The following GK variants were observed in gnomAD, a reference collection of about 807,000 sequenced individuals.
GK encodes glycerol kinase.
Under a neutral mutation model 56.4 loss-of-function variants are expected in GK, and 9 were observed. That is an observed-to-expected ratio of 0.16 (90% CI 0.10 to 0.28). The LOEUF is 0.28. Among genes scored for constraint, GK ranks in the 10% least tolerant of loss-of-function variants. The pLI is 1.00. For synonymous variants in GK, 104 were observed against 144.1 expected (o/e 0.72, Z 1.99); for missense variants, 161 against 431.4 (o/e 0.37, Z 5.55).
At chrX:30,660,531 A>T (rs1389166524) in intron 1 of GK, among the ~76,000 whole-genome samples, 1 of 111,435 alleles carries the variant, frequency 9.0e-6, no homozygotes, top group Non-Finnish European at 1.9e-5. Context: ...AGCAACAATG[A>T]TAGTGTTGAC....
chrX:30,668,202 G>A (rs1325265874), intron 3 of GK, 84 bp downstream of exon 3: 26 of 584,057 alleles, frequency 4.5e-5, no homozygotes, highest in Non-Finnish European at 7.7e-5. Context: ...ATAATTGAGT[G>A]CCTATGCAGT....
chrX:30,723,809 G>T, intron 18 of GK: 1 of 312,258 alleles, frequency 3.2e-6, no homozygotes, highest in Admixed American at 4.7e-5. Context: ...AAACTCCTGA[G>T]GTCAAGCCAT....
At chrX:30,706,860 C>T (rs1462761102) in intron 11 of GK, among the ~76,000 whole-genome samples, 2 of 111,701 alleles carry the variant, frequency 1.8e-5, no homozygotes, top group East Asian at 5.6e-4. Context: ...CATTTTATGA[C>T]TGTATTAATG....
chrX:30,691,095 A>T (rs1371595913), intron 4 of GK, 28 bp from the exon 5 acceptor site: 1 of 843,147 alleles, frequency 1.2e-6, no homozygotes, highest in Non-Finnish European at 1.8e-6. Context: ...GAAGTTTTTC[A>T]TGTATATTAT....
rs1321418188 is a variant in GK, at chrX:30,697,749, G to A, written c.747G>A (p.Val249=). The A allele has an allele frequency of 8.6e-7, 1 of 1,161,422 alleles. No individual in the cohort carries two copies. Among genetic ancestry groups the A allele is most frequent in the Non-Finnish European group, 1.2e-6 (1 of 850,230 alleles). Residue 249 remains valine (V), a splice_region_variant and synonymous_variant, in exon 9 of 21, where the codon GTG becomes GTA. Coordinates refer to ENST00000427190, the MANE Select transcript of GK (RefSeq NM_001205019.2). ...IYGLMKISHS[V]KAGALEGVPI... is the part of the protein sequence containing the mutation. ...GACTATAGAAAATCTCTCATAGCGT[G>A]GTGAGTAGGTTGCCCGCCAATTATG...
intron 4 of GK, among the ~76,000 whole-genome samples, chrX:30,683,209 C>T (rs750528090): frequency 2.7e-5 from 3 of 110,455 alleles, no homozygotes; most frequent in East Asian, 5.6e-4. Context: ...TATATATATA[C>T]AGCTGTATAT....
intron 1 of GK, among the ~76,000 whole-genome samples, chrX:30,664,178 A>G (rs1932917359): frequency 1.1e-5 from 1 of 94,063 alleles, no homozygotes; most frequent in Non-Finnish European, 2.0e-5. Context: ...AGATATATAT[A>G]TATCTTATAT....
At chrX:30,696,354 C>T (rs765689402) in intron 7 of GK, among the ~76,000 whole-genome samples, 27 of 112,123 alleles carry the variant, frequency 2.4e-4, no homozygotes, top group Non-Finnish European at 4.3e-4. Flanking sequence ...TTATTCTTCA[C>T]GGAAGTTTAG....
intron 5 of GK, among the ~76,000 whole-genome samples, chrX:30,692,619 C>T (rs1048329403): frequency 1.8e-5 from 2 of 109,985 alleles, no homozygotes; most frequent in African/African-American, 6.6e-5. Context: ...GCTGAGATTA[C>T]AGGCAAGCAC....
chrX:30,718,160 AC>A (rs1298054355), intron 13 of GK, among the ~76,000 whole-genome samples: 1 of 111,761 alleles, frequency 8.9e-6, no homozygotes, highest in Non-Finnish European at 1.9e-5. Flanking sequence ...ACTTGAAAAA[AC>A]TTTTAATGTG....
At chrX:30,674,795 A>G (rs1257379696) in intron 3 of GK, among the ~76,000 whole-genome samples, 1 of 111,685 alleles carries the variant, frequency 9.0e-6, no homozygotes, top group Non-Finnish European at 1.9e-5. Flanking sequence ...TAGTGAGCAT[A>G]CCACCCAATA....
intron 6 of GK, among the ~76,000 whole-genome samples, chrX:30,695,620 C>T (rs1168117909): frequency 8.9e-6 from 1 of 112,649 alleles, no homozygotes; most frequent in South Asian, 3.6e-4. Context: ...TAAACAACAA[C>T]AGCAACAACA....
chrX:30,664,019 T>G (rs1932878002), intron 1 of GK, among the ~76,000 whole-genome samples: 1 of 90,113 alleles, frequency 1.1e-5, no homozygotes, highest in Non-Finnish European at 2.1e-5. Flanking sequence ...TTTATATATA[T>G]CTATATATAT....
At chrX:30,658,596 G>C (rs1229733398) in intron 1 of GK, among the ~76,000 whole-genome samples, 1 of 112,607 alleles carries the variant, frequency 8.9e-6, no homozygotes, top group Non-Finnish European at 1.9e-5. Context: ...GATTACAGGC[G>C]TGAGCCACCA....
intron 2 of GK, among the ~76,000 whole-genome samples, chrX:30,667,370 C>T (rs993169943): frequency 2.8e-4 from 31 of 110,832 alleles, no homozygotes; most frequent in African/African-American, 9.2e-4. Flanking sequence ...AGGCTTCTCA[C>T]CCTTCTCATT....
At chrX:30,653,697 C>A in intron 1 of GK, 82 bp downstream of exon 1, 1 of 896,406 alleles carries the variant, frequency 1.1e-6, no homozygotes. Context: ...GTGTCCCCAT[C>A]CCGCATCTCT....
chrX:30,656,598 T>A (rs1442883921), intron 1 of GK, among the ~76,000 whole-genome samples: 1 of 111,179 alleles, frequency 9.0e-6, no homozygotes, highest in Non-Finnish European at 1.9e-5. Context: ...TTATTCAGAA[T>A]TCCCCCCCCT....
intron 14 of GK, 51 bp from the exon 15 acceptor site, chrX:30,719,368 A>G: frequency 1.3e-6 from 1 of 790,694 alleles, no homozygotes; most frequent in Non-Finnish European, 1.9e-6. Context: ...TGCTTATATA[A>G]TAATACACAA....
Position 30,708,151 on chromosome X carries a change from C to T in GK, c.975+17C>T, listed in dbSNP as rs1009808392. The T allele has an allele frequency of 2.4e-6, 2 of 818,265 alleles. No homozygotes were observed. The highest frequency in any genetic ancestry group is 2.0e-5 in the African/African-American group (1 of 49,101). The allele number at this position is 818,265 out of a possible 1,213,427, so 67.4% of individuals were successfully genotyped here. The stretch of plus-strand genomic sequence containing the variant: ...GCTTTGGAAGTAAGTTCTTTTTAAT[C>T]AATATGGATAATATGACAAACATTC... On this transcript the variant is annotated intron_variant, in intron 13 of 20. Coordinates refer to ENST00000427190, the MANE Select transcript of GK (RefSeq NM_001205019.2).
Sources: allele counts gnomAD v4.1 joint callset (sites outside exome capture counted in the v4.1 genomes callset), GRCh38; gene constraint gnomAD v4.1.1; transcripts MANE v1.5; gene names NCBI Gene and HGNC (gene_info 2026-07-23, HGNC 2026-07-21).